BANK1: variants seen among roughly 807,000 people sequenced by gnomAD.
BANK1 encodes B cell scaffold protein with ankyrin repeats 1, also known as B-cell scaffold protein with ankyrin repeats.
In BANK1, 95 loss-of-function variants were observed where a neutral mutation model predicts 94.5. That is an observed-to-expected ratio of 1.00 (90% CI 0.85 to 1.19). The LOEUF (loss-of-function observed/expected upper bound fraction) is 1.19. Among genes scored for constraint, BANK1 ranks in the 50% most tolerant of loss-of-function variants. BANK1 has a pLI of 0.00. For synonymous variants in BANK1, 334 were observed against 308.4 expected (o/e 1.08, Z -0.87); for missense variants, 987 against 932.2 (o/e 1.06, Z -0.77).
intron 11 of BANK1, among the ~76,000 whole-genome samples, chr4:102,052,747 T>C (rs974541899): frequency 2.6e-5 from 4 of 152,176 alleles, no homozygotes; most frequent in African/African-American, 9.7e-5. Context: ...AGTGTCCCAC[T>C]TTCAGGTTCA....
At chr4:102,073,156 T>G (rs1728812205) in intron 15 of BANK1, among the ~76,000 whole-genome samples, 1 of 151,786 alleles carries the variant, frequency 6.6e-6, no homozygotes, top group South Asian at 2.1e-4. Flanking sequence ...TAAAAATCAT[T>G]CACCCTTAAA....
chr4:102,054,695 C>T (rs146678985), intron 11 of BANK1, among the ~76,000 whole-genome samples: 231 of 152,134 alleles, frequency 1.5e-3, no homozygotes, highest in African/African-American at 5.1e-3. Context: ...AATGAAGACT[C>T]AAAGAAGCAG....
intron 4 of BANK1, among the ~76,000 whole-genome samples, chr4:101,865,487 G>A (rs147195144): frequency 1.5e-3 from 225 of 152,120 alleles, no homozygotes; most frequent in African/African-American, 4.1e-3. Context: ...AAGGATAATC[G>A]TGGTGAAATA....
At chr4:101,909,070 G>T (rs1722566662) in intron 6 of BANK1, among the ~76,000 whole-genome samples, 1 of 152,120 alleles carries the variant, frequency 6.6e-6, no homozygotes. Flanking sequence ...TATACCCTAA[G>T]GATTATAAAT....
chr4:102,055,383 A>C (rs2148961341), intron 11 of BANK1, among the ~76,000 whole-genome samples: 1 of 152,154 alleles, frequency 6.6e-6, no homozygotes, highest in Middle Eastern at 3.4e-3. Context: ...ACATTATCAG[A>C]AATTTCTTAT....
chr4:102,030,315 T>A, intron 10 of BANK1, 50 bp downstream of exon 10: 1 of 1,505,228 alleles, frequency 6.6e-7, no homozygotes, highest in Non-Finnish European at 8.9e-7. Flanking sequence ...TGTCCAAAAT[T>A]TTGAGGATGG....
intron 11 of BANK1, among the ~76,000 whole-genome samples, chr4:102,057,354 TTCTC>T (rs945777334): frequency 1.9e-4 from 27 of 141,310 alleles, no homozygotes; most frequent in Non-Finnish European, 3.6e-4. Flanking sequence ...CTCTCTCGCT[TTCTC>T]TCTCTCTCTC....
rs11286243 is a variant in BANK1 at position 102,025,514 on chromosome 4, GT to G, written c.1594+8del. On this transcript the variant is annotated splice_donor_region_variant and intron_variant, in intron 9 of 16. Transcript: ENST00000322953. ...GACCTCACTTCACCTTACCAGGTAAGTTTAAGGTTAGAAAAAAACAAAACAA... is the reference window on the plus strand; with the variant it reads ...GACCTCACTTCACCTTACCAGGTAAGTTAAGGTTAGAAAAAAACAAAACAA... The G allele has an allele frequency of 0.056, 90,988 of 1,611,650 alleles. 6,008 individuals carry two copies. The highest frequency in any genetic ancestry group is 0.34 in the African/African-American group (25,210 of 74,746).
At chr4:102,071,987 G>T (rs974557246) in intron 14 of BANK1, among the ~76,000 whole-genome samples, 12 of 152,198 alleles carry the variant, frequency 7.9e-5, no homozygotes. Flanking sequence ...AGTAGAAGGC[G>T]CAGGTTTTTG....
Position 101,948,341 on chromosome 4 carries a change from C to G in BANK1, c.1206+30152C>G, listed in dbSNP as rs1163119157. ...CCCTGGCCTGTGCACCATCCTCAGC[C>G]AAATTTCCTGTGAATTAGAACTTCC... is the stretch of plus-strand genomic sequence containing the variant. On this transcript the variant is annotated intron_variant, in intron 7 of 16. Transcript: ENST00000322953. 2.6e-5 allele frequency among the ~76,000 whole-genome samples: 4 copies of G among 152,032 alleles called. No individual in the cohort carries two copies. The East Asian group carries it at 7.7e-4, about 29-fold the overall frequency.
intron 1 of BANK1, among the ~76,000 whole-genome samples, chr4:101,815,645 T>A (rs1725886681): frequency 6.6e-6 from 1 of 152,082 alleles, no homozygotes; most frequent in Non-Finnish European, 1.5e-5. Context: ...CATTTTTAGG[T>A]TTACAAAAGA....
At chr4:101,984,441 G>A (rs771061862) in intron 7 of BANK1, among the ~76,000 whole-genome samples, 5 of 151,994 alleles carry the variant, frequency 3.3e-5, no homozygotes, top group African/African-American at 4.8e-5. Context: ...TTTTGATGAA[G>A]ATTTTCTATC....
chr4:102,071,578 G>T (rs1310979627), intron 14 of BANK1, among the ~76,000 whole-genome samples: 1 of 152,166 alleles, frequency 6.6e-6, no homozygotes. Flanking sequence ...GTGACCTGTG[G>T]CAAGTCACTT....
intron 11 of BANK1, among the ~76,000 whole-genome samples, chr4:102,051,725 T>C (rs1056292802): frequency 1.3e-5 from 2 of 152,204 alleles, no homozygotes; most frequent in African/African-American, 2.4e-5. Context: ...TTTTTACAAG[T>C]GCTCTGTGTC....
intron 7 of BANK1, among the ~76,000 whole-genome samples, chr4:101,978,369 A>G (rs1725207544): frequency 6.6e-6 from 1 of 152,070 alleles, no homozygotes; most frequent in Admixed American, 6.6e-5. Flanking sequence ...TTGTCTCTGT[A>G]ATATTAAATT....
At chr4:102,029,194 CT>C (rs1727199661) in intron 9 of BANK1, among the ~76,000 whole-genome samples, 1 of 152,108 alleles carries the variant, frequency 6.6e-6, no homozygotes, top group Admixed American at 6.5e-5. Context: ...GGCCAGTGTC[CT>C]TTATCTATGA....
intron 7 of BANK1, among the ~76,000 whole-genome samples, chr4:101,999,732 A>G (rs1000269417): frequency 6.6e-6 from 1 of 152,198 alleles, no homozygotes; most frequent in Non-Finnish European, 1.5e-5. Flanking sequence ...TAAGTATAGA[A>G]TGTAAAAGAA....
chr4:101,910,630 G>A (rs540113613), intron 6 of BANK1, among the ~76,000 whole-genome samples: 275 of 148,424 alleles, frequency 1.9e-3, no homozygotes, highest in African/African-American at 6.4e-3. Flanking sequence ...GGAGGCAGAG[G>A]TTGCTGTGAG....
At chr4:101,966,727 T>C (rs1724775542) in intron 7 of BANK1, among the ~76,000 whole-genome samples, 1 of 152,028 alleles carries the variant, frequency 6.6e-6, no homozygotes, top group Admixed American at 6.6e-5. Flanking sequence ...AAAGACAACT[T>C]CAAGGATAAG....
Sources: allele counts gnomAD v4.1 joint callset (sites outside exome capture counted in the v4.1 genomes callset), GRCh38; gene constraint gnomAD v4.1.1; transcripts MANE v1.5; gene names NCBI Gene and HGNC (gene_info 2026-07-23, HGNC 2026-07-21).